CCDC171: variants seen among roughly 807,000 people sequenced by gnomAD.
CCDC171 encodes the protein coiled-coil domain containing 171, also known as coiled-coil domain-containing protein 171.
CCDC171 carries 177 observed loss-of-function variants against 168.2 expected under a neutral mutation model. The ratio of observed to expected loss-of-function variants is 1.05; its 90% CI spans 0.93 to 1.19. CCDC171 has a LOEUF of 1.19. Among genes scored for constraint, CCDC171 ranks in the 50% most tolerant of loss-of-function variants. CCDC171 has a pLI of 0.00. For missense variants in CCDC171, 1,991 were observed against 1,539.0 expected (o/e 1.29, Z -4.91); for synonymous variants, 687 against 540.8 (o/e 1.27, Z -3.75).
intron 18 of CCDC171, among the ~76,000 whole-genome samples, chr9:15,777,195 T>C (rs2057373052): frequency 6.6e-6 from 1 of 152,208 alleles, no homozygotes; most frequent in South Asian, 2.1e-4. Flanking sequence ...AGTTGTAAAA[T>C]TTTAATTGCC....
chr9:15,881,237 G>T (rs1277012241), intron 24 of CCDC171, among the ~76,000 whole-genome samples: 1 of 152,112 alleles, frequency 6.6e-6, no homozygotes, highest in Non-Finnish European at 1.5e-5. Flanking sequence ...TTCCTGAGTA[G>T]AGCCCTAAGC....
intron 3 of CCDC171, among the ~76,000 whole-genome samples, chr9:16,005,997 C>G (rs1832683797): frequency 6.6e-6 from 1 of 151,878 alleles, no homozygotes; most frequent in African/African-American, 2.4e-5. Flanking sequence ...GTGGCTGGGA[C>G]TACAGGCATG....
chr9:15,692,889 C>T (rs979923613), intron 10 of CCDC171, among the ~76,000 whole-genome samples: 3 of 151,090 alleles, frequency 2.0e-5, no homozygotes, highest in Non-Finnish European at 4.4e-5. Flanking sequence ...GTAATCCCAG[C>T]ACTTTGGGAG....
chr9:15,778,749 A>G (rs1051968200), intron 19 of CCDC171, among the ~76,000 whole-genome samples: 4 of 151,710 alleles, frequency 2.6e-5, no homozygotes, highest in African/African-American at 7.3e-5. Context: ...TGTCAATTTC[A>G]TTTTTAGCTA....
At chr9:16,048,833 C>T (rs566672183) in intron 1 of CCDC171, among the ~76,000 whole-genome samples, 3 of 151,608 alleles carry the variant, frequency 2.0e-5, no homozygotes, top group South Asian at 2.1e-4. Flanking sequence ...GTACCTCGCA[C>T]GTAGTAAACG....
At chr9:15,900,480 C>T (rs1310932927) in intron 24 of CCDC171, among the ~76,000 whole-genome samples, 3 of 151,072 alleles carry the variant, frequency 2.0e-5, no homozygotes, top group Non-Finnish European at 2.9e-5. Flanking sequence ...ATCACAGCTC[C>T]AGATGATACC....
At chr9:15,716,822 C>G (rs185722676) in intron 11 of CCDC171, among the ~76,000 whole-genome samples, 2 of 152,116 alleles carry the variant, frequency 1.3e-5, no homozygotes, top group Non-Finnish European at 2.9e-5. Flanking sequence ...CCCTCATAAC[C>G]CAGTAACCTC....
chr9:15,649,927 C>T (rs2047370917), intron 7 of CCDC171, among the ~76,000 whole-genome samples: 1 of 152,184 alleles, frequency 6.6e-6, no homozygotes, highest in Non-Finnish European at 1.5e-5. Flanking sequence ...ATAAATCATG[C>T]TGCTATAAAG....
intron 8 of CCDC171, among the ~76,000 whole-genome samples, chr9:15,665,811 T>C (rs1056776726): frequency 6.6e-6 from 1 of 152,170 alleles, no homozygotes; most frequent in African/African-American, 2.4e-5. Context: ...ATTTATTATA[T>C]TTTATAAAAG....
Position 15,744,780 on chromosome 9 carries a change from A to T in CCDC171, c.2554+3A>T. On this transcript the variant is annotated splice_donor_region_variant and intron_variant, in intron 17 of 25. Coordinates refer to ENST00000380701, the MANE Select transcript of CCDC171 (RefSeq NM_173550.4). ...CCAAGACAAGCATAAATTTCCAAGT[A>T]AGATAATTTCTGCTTTTAAAAATAT... is the stretch of plus-strand genomic sequence containing the variant. 6.2e-7 allele frequency: 1 copy of T among 1,604,890 alleles called. No homozygotes were observed. Among genetic ancestry groups the T allele is most frequent in the Non-Finnish European group, 8.5e-7 (1 of 1,175,404 alleles).
chr9:16,008,553 T>A (rs1832772309), intron 3 of CCDC171, among the ~76,000 whole-genome samples: 1 of 152,164 alleles, frequency 6.6e-6, no homozygotes, highest in South Asian at 2.1e-4. Context: ...TGCTTAGGCG[T>A]CTCATGGATC....
rs370364062 is a variant in CCDC171, at chr9:15,740,139, G to T, written c.2050-4134G>T. Among the ~76,000 whole-genome samples, 13 of 152,012 alleles carry T rather than the reference G, an allele frequency of 8.6e-5. No individual in the cohort carries two copies. The South Asian group carries it at 2.7e-3, about 32-fold the overall frequency. On this transcript the variant is annotated intron_variant, in intron 16 of 25. Coordinates refer to ENST00000380701, the MANE Select transcript of CCDC171 (RefSeq NM_173550.4). The stretch of plus-strand genomic sequence containing the variant: ...TCTTTATAACAAGATTAAGTAATTT[G>T]CCTGTATTTTCTTCTAATATTTCTG...
intron 18 of CCDC171, among the ~76,000 whole-genome samples, chr9:15,763,823 G>A (rs1043364588): frequency 2.6e-5 from 4 of 152,120 alleles, no homozygotes; most frequent in Non-Finnish European, 5.9e-5. Context: ...TTATTGATGG[G>A]CATTAGAGTT....
intron 10 of CCDC171, among the ~76,000 whole-genome samples, chr9:15,693,134 C>G (rs1340570322): frequency 6.6e-6 from 1 of 151,964 alleles, no homozygotes; most frequent in South Asian, 2.1e-4. Flanking sequence ...GAGACTCTGT[C>G]TCAAAACAAA....
At position 15,789,544 on chromosome 9, in the gene CCDC171, G is replaced by A. The variant is rs540451547; in HGVS notation, c.3267+4850G>A. ...AGGCTTGCCTAATCTAGTTCCTTCA[G>A]AAGCCAACAAAGAGTAAGATCAACG... On this transcript the variant is annotated intron_variant, in intron 21 of 25. Transcript: ENST00000380701. Among the ~76,000 whole-genome samples the A allele has an allele frequency of 2.0e-5, 3 of 152,294 alleles. No individual in the cohort carries two copies. In the South Asian group the frequency reaches 6.2e-4, roughly 32 times the overall value.
At chr9:15,711,364 A>C (rs926425789) in intron 11 of CCDC171, among the ~76,000 whole-genome samples, 1 of 152,164 alleles carries the variant, frequency 6.6e-6, no homozygotes. Context: ...TCTTTGACCT[A>C]TATCAGTTTG....
At chr9:15,675,839 A>G (rs11793933) in intron 9 of CCDC171, among the ~76,000 whole-genome samples, 1 of 152,066 alleles carries the variant, frequency 6.6e-6, no homozygotes, top group South Asian at 2.1e-4. Context: ...TGAATCTGAC[A>G]ATCGTGCATC....
At chr9:15,563,130 A>G (rs2039448855) in intron 1 of CCDC171, among the ~76,000 whole-genome samples, 1 of 151,414 alleles carries the variant, frequency 6.6e-6, no homozygotes, top group African/African-American at 2.4e-5. Flanking sequence ...TGACTTTTTC[A>G]AGTTACTTCT....
chr9:15,559,045 G>A (rs1013582469), intron 1 of CCDC171, among the ~76,000 whole-genome samples: 1 of 152,158 alleles, frequency 6.6e-6, no homozygotes, highest in Non-Finnish European at 1.5e-5. Context: ...GAGCGGTTGT[G>A]AGTGAGTTTC....
Sources: allele counts gnomAD v4.1 joint callset (sites outside exome capture counted in the v4.1 genomes callset), GRCh38; gene constraint gnomAD v4.1.1; transcripts MANE v1.5; gene names NCBI Gene and HGNC (gene_info 2026-07-23, HGNC 2026-07-21).